DRC8: variants seen among roughly 807,000 people sequenced by gnomAD.
DRC8 encodes dynein regulatory complex subunit 8.
At chr1:244,995,579 A>C in the DRC8 span, among the ~76,000 whole-genome samples, 28 of 152,078 alleles carry the variant, frequency 1.8e-4, no homozygotes, top group Middle Eastern at 0.014. Flanking sequence ...GGCTGGCCTT[A>C]AGTGATTGTG....
the DRC8 span, among the ~76,000 whole-genome samples, chr1:245,115,887 C>CTT: frequency 6.9e-6 from 1 of 145,112 alleles, no homozygotes; most frequent in African/African-American, 2.6e-5. Context: ...GATCCTATCT[C>CTT]TTTTTTTTTT....
At chr1:244,993,734 A>T in the DRC8 span, among the ~76,000 whole-genome samples, 1 of 152,148 alleles carries the variant, frequency 6.6e-6, no homozygotes, top group Admixed American at 6.5e-5. Flanking sequence ...GCATCATAAC[A>T]TGGTAGAAGG....
the DRC8 span, among the ~76,000 whole-genome samples, chr1:244,987,606 A>AC: frequency 6.8e-6 from 1 of 146,454 alleles, no homozygotes; most frequent in Non-Finnish European, 1.5e-5. Context: ...CTCTCCCCTG[A>AC]CCCCCCCAGC....
the DRC8 span, among the ~76,000 whole-genome samples, chr1:244,978,845 T>G: frequency 1.3e-5 from 2 of 152,194 alleles, no homozygotes; most frequent in Non-Finnish European, 2.9e-5. Flanking sequence ...AAACCTGGAC[T>G]AGAATTTGGA....
At chr1:245,009,233 C>T in the DRC8 span, among the ~76,000 whole-genome samples, 1 of 151,416 alleles carries the variant, frequency 6.6e-6, no homozygotes, top group African/African-American at 2.4e-5. Flanking sequence ...AGGGGTTTCA[C>T]CATGTTGGTC....
the DRC8 span, among the ~76,000 whole-genome samples, chr1:245,099,247 T>C: frequency 6.6e-6 from 1 of 152,148 alleles, no homozygotes; most frequent in Non-Finnish European, 1.5e-5. Context: ...GGAATGACCC[T>C]TGTGAGGAAA....
chr1:245,042,065 A>C, the DRC8 span, among the ~76,000 whole-genome samples: 2 of 152,214 alleles, frequency 1.3e-5, no homozygotes, highest in East Asian at 1.9e-4. Context: ...ATCACTACCT[A>C]AAATTCGCTT....
chr1:245,075,039 G>GT, the DRC8 span, among the ~76,000 whole-genome samples: 4 of 152,116 alleles, frequency 2.6e-5, no homozygotes, highest in Non-Finnish European at 4.4e-5. Flanking sequence ...ACATTATCTT[G>GT]TTTTTTGTGA....
chr1:245,102,630 G>T, the DRC8 span, among the ~76,000 whole-genome samples: 3 of 151,866 alleles, frequency 2.0e-5, no homozygotes, highest in African/African-American at 7.3e-5. Context: ...GATTACAGGC[G>T]TCAGCCACTG....
the DRC8 span, among the ~76,000 whole-genome samples, chr1:244,996,650 C>T: frequency 5.3e-5 from 8 of 152,262 alleles, no homozygotes; most frequent in African/African-American, 1.4e-4. Flanking sequence ...AACTTGTTCA[C>T]GACAGATTCG....
chr1:245,099,887 A>G, the DRC8 span, among the ~76,000 whole-genome samples: 2 of 152,154 alleles, frequency 1.3e-5, no homozygotes, highest in African/African-American at 2.4e-5. Flanking sequence ...GTGTATCTCC[A>G]TGTAACATCA....
the DRC8 span, among the ~76,000 whole-genome samples, chr1:245,062,523 G>T: frequency 2.5e-3 from 388 of 152,288 alleles, 1 homozygote; most frequent in African/African-American, 8.9e-3. Context: ...CATACAAATG[G>T]AAAGGTTATT....
At chr1:244,995,837 C>T in the DRC8 span, among the ~76,000 whole-genome samples, 2 of 152,188 alleles carry the variant, frequency 1.3e-5, no homozygotes, top group African/African-American at 4.8e-5. Context: ...TGTGATTTTC[C>T]TCACTTTCCC....
chr1:244,990,226 C>T, the DRC8 span, among the ~76,000 whole-genome samples: 31 of 152,288 alleles, frequency 2.0e-4, no homozygotes, highest in East Asian at 1.7e-3. Context: ...TATGACAAGA[C>T]GCATGAGTAC....
the DRC8 span, among the ~76,000 whole-genome samples, chr1:245,042,467 G>A: frequency 3.5e-4 from 53 of 152,310 alleles, no homozygotes; most frequent in South Asian, 2.5e-3. Context: ...AAGAGATTTC[G>A]TCATTATTTT....
At chr1:245,108,747 C>T in the DRC8 span, among the ~76,000 whole-genome samples, 213 of 152,284 alleles carry the variant, frequency 1.4e-3, no homozygotes, top group African/African-American at 4.7e-3. Context: ...CTTGCCTCAG[C>T]GTCTCTGGGG....
At chr1:245,118,026 T>G in the DRC8 span, among the ~76,000 whole-genome samples, 1 of 152,218 alleles carries the variant, frequency 6.6e-6, no homozygotes, top group African/African-American at 2.4e-5. Flanking sequence ...TGTGGGATGT[T>G]TACTTAAGCA....
chr1:244,997,921 C>G, the DRC8 span, among the ~76,000 whole-genome samples: 1 of 151,998 alleles, frequency 6.6e-6, no homozygotes, highest in African/African-American at 2.4e-5. Flanking sequence ...TAGCTTATCC[C>G]TTGTTTATCA....
At chr1:245,032,041 T>C in the DRC8 span, among the ~76,000 whole-genome samples, 1 of 152,196 alleles carries the variant, frequency 6.6e-6, no homozygotes, top group Admixed American at 6.5e-5. Context: ...ATCTTTACCA[T>C]GGCCAACTGT....
Sources: allele counts gnomAD v4.1 joint callset (sites outside exome capture counted in the v4.1 genomes callset), GRCh38; gene constraint gnomAD v4.1.1; transcripts MANE v1.5; gene names NCBI Gene and HGNC (gene_info 2026-07-23, HGNC 2026-07-21).